The following KLC2 variants were observed in gnomAD, a reference collection of about 807,000 sequenced individuals.
KLC2 encodes the protein KLC 2.
In KLC2, 35 loss-of-function variants were observed where a neutral mutation model predicts 75.1. The ratio of observed to expected loss-of-function variants is 0.47; its 90% CI spans 0.36 to 0.62. The LOEUF is 0.62. KLC2 is among the 20% of genes least tolerant of loss of function. The probability of loss-of-function intolerance (pLI) is 0.00; values close to 1 mark genes in which losing one functional copy is unlikely to be tolerated. For synonymous variants in KLC2, 314 were observed against 336.7 expected (o/e 0.93, Z 0.74); for missense variants, 611 against 833.2 (o/e 0.73, Z 3.28).
chr11:66,258,443 G>A, intron 1 of KLC2, 141 bp from the exon 2 acceptor site: 1 of 614,850 alleles, frequency 1.6e-6, no homozygotes, highest in Non-Finnish European at 2.9e-6. Flanking sequence ...CCAAGCGCGG[G>A]CACGGTGCGG....
upstream of KLC2, among the ~76,000 whole-genome samples, chr11:66,255,482 C>T (rs1347127365): frequency 6.6e-6 from 1 of 152,194 alleles, no homozygotes; most frequent in Non-Finnish European, 1.5e-5. Context: ...AGCCACTGAG[C>T]CCAGCCCAAC....
At chr11:66,266,371 C>T in intron 14 of KLC2, 62 bp from the exon 15 acceptor site, 2 of 1,336,282 alleles carry the variant, frequency 1.5e-6, no homozygotes, top group Non-Finnish European at 2.1e-6. Context: ...CCACCCTTCT[C>T]CCTGCCCCCA....
chr11:66,262,791 ACCT>A lies in KLC2; in HGVS notation c.530-19_530-17del, dbSNP rs765525387. 1.3e-6 allele frequency: 2 copies of A among 1,565,352 alleles called. No homozygotes were observed. The highest frequency in any genetic ancestry group is 1.1e-5 in the South Asian group (1 of 89,764). ...GTCCAGTGGGCAGATGGTACATCTG[ACCT>A]CCTGCCCTTGGCCCTGCAGCCCCTA... is the stretch of plus-strand genomic sequence containing the variant. On this transcript the variant is annotated intron_variant, in intron 4 of 15. Coordinates refer to ENST00000394067, the MANE Select transcript of KLC2 (RefSeq NM_001318734.2).
chr11:66,263,131 C>T (rs1246376873), intron 5 of KLC2, 95 bp downstream of exon 5: 1 of 861,972 alleles, frequency 1.2e-6, no homozygotes, highest in Non-Finnish European at 1.9e-6. Context: ...ACTCGTGGCC[C>T]ACCTGCGTGG....
In KLC2 at chr11:66,267,093, T is replaced by C; in HGVS notation, c.*137T>C. The C allele has an allele frequency of 2.0e-6, 3 of 1,534,124 alleles. No homozygotes were observed. The highest frequency in any genetic ancestry group is 2.6e-6 in the Non-Finnish European group (3 of 1,137,818). ...TTTCTGTTCAATCTCAGGGTAACCT[T>C]CTCCCTTGTCATCTCAGCCTGAGCC... On this transcript the variant is annotated 3_prime_UTR_variant, in exon 16 of 16. Transcript: ENST00000394067.
At chr11:66,255,073 TTC>T (rs573627748), upstream of KLC2, among the ~76,000 whole-genome samples, 50 of 152,360 alleles carry the variant, frequency 3.3e-4, no homozygotes, top group African/African-American at 1.1e-3. Context: ...GTGCTCCATA[TTC>T]TGTTTCCTCC....
At chr11:66,245,410 G>A in the KLC2 span, among the ~76,000 whole-genome samples, 4 of 152,140 alleles carry the variant, frequency 2.6e-5, no homozygotes, top group African/African-American at 4.8e-5. Context: ...GCGAAACCCC[G>A]TCTCTACTAA....
chr11:66,264,136 T>C lies in KLC2; in HGVS notation c.1033T>C (p.Tyr345His). The C allele has an allele frequency of 1.3e-6, 2 of 1,594,066 alleles. No homozygotes were observed. Among genetic ancestry groups the C allele is most frequent in the South Asian group, 2.3e-5 (2 of 88,888 alleles). Reference protein sequence around the residue: ...QNQGKAEEVEYYYRRALEIYA... With the variant: ...QNQGKAEEVEHYYRRALEIYA... ...CCAGGGCAAAGCTGAGGAGGTGGAA[T>C]ATTACTATCGGCGGGCACTGGAGAT... Residue 345 changes from tyrosine to histidine, a missense_variant, in exon 8 of 16, where the codon TAT becomes CAT. Tyr to His is a moderately conservative substitution (Grantham distance 83). Transcript: ENST00000394067.
At chr11:66,252,147 G>A in the KLC2 span, among the ~76,000 whole-genome samples, 5 of 152,180 alleles carry the variant, frequency 3.3e-5, no homozygotes, top group Admixed American at 6.5e-5. Context: ...AAGCTGCCCC[G>A]TATTTCTCAT....
At chr11:66,266,628 G>A (rs780498314) in intron 15 of KLC2, 138 bp downstream of exon 15, 6 of 1,002,524 alleles carry the variant, frequency 6.0e-6, no homozygotes, top group Admixed American at 3.9e-5. Flanking sequence ...GCTGGACAAC[G>A]GGGAGACACG....
At position 66,266,138 on chromosome 11, in the gene KLC2, C is replaced by T. The variant is rs758512812; in HGVS notation, c.1648C>T (p.Arg550Trp). Residue 550 changes from arginine (R) to tryptophan (W), a missense_variant, in exon 14 of 16, where the codon CGG becomes TGG. Physicochemically the swap from Arg to Trp is moderately radical, Grantham distance 101. Transcript: ENST00000394067. ...GCGCAGCGGTTCCTTTGGGAAACTC[C>T]GGGATGCCCTGAGGCGCAGCAGTGA... ...LRRSGSFGKL[R>W]DALRRSSEML... 5.0e-6 allele frequency: 8 copies of T among 1,613,724 alleles called. No individual in the cohort carries two copies. The highest frequency in any genetic ancestry group is 4.5e-5 in the East Asian group (2 of 44,892).
At chr11:66,266,047 G>A (rs1856801392) in intron 13 of KLC2, 35 bp downstream of exon 13, 1 of 1,613,686 alleles carries the variant, frequency 6.2e-7, no homozygotes, top group South Asian at 1.1e-5. Context: ...CGGGCTGGGA[G>A]CCTAGGTGGC....
the KLC2 span, among the ~76,000 whole-genome samples, chr11:66,249,036 T>G: frequency 1.3e-5 from 2 of 152,226 alleles, no homozygotes; most frequent in South Asian, 4.1e-4. Flanking sequence ...CCATTCTGCC[T>G]TCTTAGGATC....
In KLC2 at chr11:66,258,681, G is replaced by A. The variant is rs951579289; in HGVS notation, c.87G>A (p.Glu29=). The change falls in exon 2 of 16, where the codon GAG becomes GAA. Residue 29 remains glutamate, a synonymous_variant. Transcript: ENST00000394067. The part of the protein sequence containing the change: ...LGTKAVIQGL[E]TLRGEHRALL... ...CCAAGGCTGTCATCCAGGGACTGGA[G>A]ACTCTGCGTGGGGAGCATCGTGCCC... The A allele has an allele frequency of 1.9e-6, 3 of 1,614,020 alleles. No homozygotes were observed. The highest frequency in any genetic ancestry group is 2.5e-6 in the Non-Finnish European group (3 of 1,179,990).
At position 66,266,415 on chromosome 11, in the gene KLC2, G is replaced by A. The variant is rs1856828640; in HGVS notation, c.1728-18G>A. On this transcript the variant is annotated intron_variant, in intron 14 of 15. Coordinates refer to ENST00000394067, the MANE Select transcript of KLC2 (RefSeq NM_001318734.2). ...GAGTTCCTCCTTGGGCAAATCCCAGGCTGTCCTTTTCCCTCAGGATGAAGC... is the reference window on the plus strand; with the variant it reads ...GAGTTCCTCCTTGGGCAAATCCCAGACTGTCCTTTTCCCTCAGGATGAAGC... 6.3e-7 allele frequency: 1 copy of A among 1,591,498 alleles called. No individual in the cohort carries two copies. The highest frequency in any genetic ancestry group is 8.6e-7 in the Non-Finnish European group (1 of 1,166,068).
At chr11:66,256,745 G>A (rs186778731), upstream of KLC2, among the ~76,000 whole-genome samples, 3 of 152,300 alleles carry the variant, frequency 2.0e-5, no homozygotes, top group South Asian at 2.1e-4. Context: ...AAAATAGAGG[G>A]TCTTCACTTG....
At chr11:66,261,456 T>C (rs1025970003) in intron 2 of KLC2, 3 of 383,306 alleles carry the variant, frequency 7.8e-6, no homozygotes, top group Non-Finnish European at 1.4e-5. Context: ...AAGGGGCTAG[T>C]AGCTCAGGGA....
At chr11:66,248,238 C>T in the KLC2 span, among the ~76,000 whole-genome samples, 2 of 152,112 alleles carry the variant, frequency 1.3e-5, no homozygotes, top group African/African-American at 4.8e-5. Flanking sequence ...ATATACCGCC[C>T]TGCCAGTTTC....
chr11:66,263,637 A>C, intron 5 of KLC2, 23 bp from the exon 6 acceptor site: 1 of 1,573,730 alleles, frequency 6.4e-7, no homozygotes, highest in South Asian at 1.1e-5. Context: ...GACAGCCCTG[A>C]CCATGCTCCT....
Sources: gnomAD v4.1 joint callset for allele counts (sites outside exome capture counted in the v4.1 genomes callset) on GRCh38, gnomAD v4.1.1 for gene constraint, MANE v1.5 for transcripts, NCBI Gene and HGNC (gene_info 2026-07-23, HGNC 2026-07-21) for gene names.